MAP7D2: variants seen among roughly 807,000 people sequenced by gnomAD.
The protein encoded by MAP7D2 is MAP7 domain containing 2.
In MAP7D2, 33 loss-of-function variants were observed where a neutral mutation model predicts 63.5. The ratio of observed to expected loss-of-function variants is 0.52; its 90% confidence interval spans 0.39 to 0.70. The LOEUF (loss-of-function observed/expected upper bound fraction) is 0.70, where lower values mean the gene tolerates loss of function less well. MAP7D2 is among the 30% of genes least tolerant of loss of function. The probability of loss-of-function intolerance (pLI) is 0.00; values close to 1 mark genes in which losing one functional copy is unlikely to be tolerated. For synonymous variants in MAP7D2, 224 were observed against 223.7 expected (o/e 1.00, Z -0.01); for missense variants, 626 against 604.0 (o/e 1.04, Z -0.38).
intron 16 of MAP7D2, among the ~76,000 whole-genome samples, chrX:20,009,741 C>T (rs2073125289): frequency 9.2e-6 from 1 of 108,850 alleles, no homozygotes; most frequent in Admixed American, 9.9e-5. Flanking sequence ...GGCTGTAATC[C>T]CAGTAAGTAC....
At chrX:20,041,998 AGTCACTGTAC>A (rs1201095305) in intron 8 of MAP7D2, among the ~76,000 whole-genome samples, 1 of 111,074 alleles carries the variant, frequency 9.0e-6, no homozygotes, top group Non-Finnish European at 1.9e-5. Context: ...GCCTGTGAAC[AGTCACTGTAC>A]TCCAGGCCTG....
chrX:20,056,565 A>G (rs2065073017), intron 4 of MAP7D2, 115 bp downstream of exon 4: 2 of 537,681 alleles, frequency 3.7e-6, no homozygotes, highest in Non-Finnish European at 3.1e-6. Flanking sequence ...TGCCTCTGAA[A>G]AGCTGTGCAA....
intron 1 of MAP7D2, among the ~76,000 whole-genome samples, chrX:20,088,553 G>A (rs868543565): frequency 3.4e-5 from 3 of 87,236 alleles, no homozygotes; most frequent in East Asian, 4.5e-4. Context: ...TCAAACTCCC[G>A]GGCTCAAGCA....
At chrX:20,086,404 A>G (rs776587123) in intron 1 of MAP7D2, among the ~76,000 whole-genome samples, 1 of 112,369 alleles carries the variant, frequency 8.9e-6, no homozygotes, top group Non-Finnish European at 1.9e-5. Context: ...ATGAGAGGTG[A>G]TTAGAATCTG....
At chrX:20,010,475 GC>G (rs11314975) in intron 16 of MAP7D2, among the ~76,000 whole-genome samples, 38,513 of 110,485 alleles carry the variant, frequency 0.35, 7,497 homozygotes, top group African/African-American at 0.75. Context: ...TTCTTTCCTT[GC>G]CCCCTAAAAA....
intron 8 of MAP7D2, among the ~76,000 whole-genome samples, chrX:20,036,335 C>T (rs1177578464): frequency 5.5e-5 from 6 of 109,749 alleles, no homozygotes; most frequent in Admixed American, 9.7e-5. Context: ...CTCCGCCTCC[C>T]GGGTTCAAGC....
chrX:20,046,696 A>G (rs1165072778), intron 6 of MAP7D2, among the ~76,000 whole-genome samples: 1 of 112,747 alleles, frequency 8.9e-6, no homozygotes, highest in Non-Finnish European at 1.9e-5. Flanking sequence ...AAATGTTTCG[A>G]AAACTTAGGA....
At chrX:20,067,646 A>T (rs1006081290) in intron 1 of MAP7D2, among the ~76,000 whole-genome samples, 1 of 110,442 alleles carries the variant, frequency 9.1e-6, no homozygotes, top group Admixed American at 9.7e-5. Flanking sequence ...AAACCATTAA[A>T]TTTTTTTTTC....
intron 6 of MAP7D2, among the ~76,000 whole-genome samples, chrX:20,047,250 C>G (rs188074103): frequency 2.8e-4 from 31 of 112,676 alleles, no homozygotes; most frequent in Middle Eastern, 9.1e-3. Flanking sequence ...CAGTGGGAGG[C>G]CACACTGGGA....
At chrX:20,028,546 T>G (rs754176124) in intron 8 of MAP7D2, among the ~76,000 whole-genome samples, 25 of 112,150 alleles carry the variant, frequency 2.2e-4, no homozygotes, top group Non-Finnish European at 4.1e-4. Context: ...ACTGTACACA[T>G]TAGCTGAGCC....
intron 1 of MAP7D2, among the ~76,000 whole-genome samples, chrX:20,085,214 G>A (rs2065881820): frequency 8.9e-6 from 1 of 111,979 alleles, no homozygotes; most frequent in Non-Finnish European, 1.9e-5. Context: ...TTCATATTGA[G>A]TCTTACAACA....
chrX:20,032,866 C>T (rs867648645), intron 8 of MAP7D2, among the ~76,000 whole-genome samples: 1 of 112,266 alleles, frequency 8.9e-6, no homozygotes, highest in Non-Finnish European at 1.9e-5. Context: ...TGACAGCTTC[C>T]GCTTCCTGAC....
intron 3 of MAP7D2, among the ~76,000 whole-genome samples, chrX:20,060,315 C>T (rs749350483): frequency 2.7e-5 from 3 of 109,808 alleles, no homozygotes; most frequent in Admixed American, 9.7e-5. Context: ...CCACCATGCC[C>T]GGCCCATTAC....
intron 5 of MAP7D2, 143 bp downstream of exon 5, chrX:20,052,735 A>G (rs1409089940): frequency 1.0e-5 from 5 of 485,900 alleles, no homozygotes; most frequent in Non-Finnish European, 3.6e-6. Context: ...AAGGCCCTAG[A>G]GCTCCCACAT....
intron 6 of MAP7D2, among the ~76,000 whole-genome samples, chrX:20,048,420 GGT>G (rs1308910068): frequency 9.0e-6 from 1 of 110,796 alleles, no homozygotes; most frequent in African/African-American, 3.3e-5. Context: ...GCTTGTGCCT[GGT>G]CTTCCCAGGA....
At chrX:20,106,187 T>C (rs2066561472) in intron 1 of MAP7D2, among the ~76,000 whole-genome samples, 1 of 112,026 alleles carries the variant, frequency 8.9e-6, no homozygotes, top group South Asian at 3.7e-4. Context: ...CCTTAGCACT[T>C]TTCCTCGATG....
At chrX:20,060,426 GAGAGAGAGAAAGAA>G (rs931405756) in intron 3 of MAP7D2, among the ~76,000 whole-genome samples, 15 of 72,103 alleles carry the variant, frequency 2.1e-4, no homozygotes, top group African/African-American at 7.3e-4. Context: ...AAGAGAGAGA[GAGAGAGAGAAAGAA>G]AGAAAGAAAG....
At chrX:20,116,590 G>T in intron 1 of MAP7D2, 160 bp downstream of exon 1, 1 of 969,892 alleles carries the variant, frequency 1.0e-6, no homozygotes, top group Non-Finnish European at 1.3e-6. Flanking sequence ...GCCCTTGGAT[G>T]CACGTCCGGA....
chrX:20,063,408 C>A lies in MAP7D2; in HGVS notation c.372+6G>T, dbSNP rs776912533. 2 of 1,209,082 alleles carry A rather than the reference C, an allele frequency of 1.7e-6. No individual in the cohort carries two copies. Among genetic ancestry groups the A allele is most frequent in the Non-Finnish European group, 2.2e-6 (2 of 894,421 alleles). ...GAAGGTGGCGGAGGGTGCACCTGGG[C>A]CTTACCTCCTCCTCCCGGAGCTTCT... On this transcript the variant is annotated splice_donor_region_variant and intron_variant, in intron 3 of 16. Coordinates refer to ENST00000379643, the MANE Select transcript of MAP7D2 (RefSeq NM_001168465.2).
Sources: allele counts gnomAD v4.1 joint callset (sites outside exome capture counted in the v4.1 genomes callset), GRCh38; gene constraint gnomAD v4.1.1; transcripts MANE v1.5; gene names NCBI Gene and HGNC (gene_info 2026-07-23, HGNC 2026-07-21).